The following TMEM243 variants were observed in gnomAD, a reference collection of about 807,000 sequenced individuals.
TMEM243 encodes transmembrane protein 243, also known as MDR1 and mitochondrial taxol resistance associated.
Under a neutral mutation model 15.0 loss-of-function variants are expected in TMEM243, and 20 were observed. The ratio of observed to expected loss-of-function variants is 1.33; its 90% CI spans 0.94 to 1.93. The LOEUF (loss-of-function observed/expected upper bound fraction) is 1.93, where lower values mean the gene tolerates loss of function less well. Among genes scored for constraint, TMEM243 ranks in the 30% most tolerant of loss-of-function variants. TMEM243 has a pLI of 0.00. For synonymous variants in TMEM243, 72 were observed against 52.7 expected (o/e 1.37, Z -1.59); for missense variants, 156 against 142.1 (o/e 1.10, Z -0.50).
intron 1 of TMEM243, among the ~76,000 whole-genome samples, chr7:87,206,147 T>A (rs948224894): frequency 6.6e-6 from 1 of 152,170 alleles, no homozygotes; most frequent in African/African-American, 2.4e-5. Context: ...AAGAACAGTA[T>A]GGGGGAAACT....
At chr7:87,209,538 A>AAG (rs148919580) in intron 1 of TMEM243, among the ~76,000 whole-genome samples, 1 of 145,060 alleles carries the variant, frequency 6.9e-6, no homozygotes, top group Non-Finnish European at 1.5e-5. Context: ...GTGAGAGAGA[A>AAG]AGTGAGAGAC....
chr7:87,208,301 T>C (rs955708650), intron 1 of TMEM243, among the ~76,000 whole-genome samples: 4 of 152,190 alleles, frequency 2.6e-5, no homozygotes, highest in South Asian at 2.1e-4. Context: ...AGTATAGGCA[T>C]TGGGTAAATA....
At chr7:87,210,172 G>A (rs1405414468) in intron 1 of TMEM243, among the ~76,000 whole-genome samples, 1 of 152,212 alleles carries the variant, frequency 6.6e-6, no homozygotes, top group South Asian at 2.1e-4. Flanking sequence ...CTGGGGGATG[G>A]TGCTAAACCA....
chr7:87,219,439 T>C lies in TMEM243; in HGVS notation c.65A>G (p.Glu22Gly). Residue 22 changes from glutamate (E) to glycine (G), a missense_variant, in exon 1 of 4, where the codon GAG (glutamate) becomes GGG (glycine). By Grantham distance (98) the Glu-to-Gly change is moderately conservative. Transcript: ENST00000257637. ...ATCCGCACTCACCTTGGCGGACGTC[T>C]CCCCAAACAGAGGTCTGTTGTCCAG... ...SGLDNRPLFG[E>G]TSAKDRIINL... 1 of 1,614,190 alleles carries C rather than the reference T, an allele frequency of 6.2e-7. No individual in the cohort carries two copies. Among genetic ancestry groups the C allele is most frequent in the South Asian group, 1.1e-5 (1 of 91,088 alleles).
chr7:87,209,010 C>T lies in TMEM243; in HGVS notation c.79-9953G>A, dbSNP rs550888977. Among the ~76,000 whole-genome samples, 6 of 152,342 alleles carry T rather than the reference C, an allele frequency of 3.9e-5. No homozygotes were observed. In the East Asian group the frequency reaches 1.2e-3, roughly 29 times the overall value. On this transcript the variant is annotated intron_variant, in intron 1 of 3. Transcript: ENST00000257637. ...CTTACTACAAACTCATGTTTTCTATCCTCACCTGGGCCTTCACTGTATTTC... is the reference window on the plus strand; with the variant it reads ...CTTACTACAAACTCATGTTTTCTATTCTCACCTGGGCCTTCACTGTATTTC...
chr7:87,203,994 T>C (rs1486787047), intron 1 of TMEM243, among the ~76,000 whole-genome samples: 1 of 152,040 alleles, frequency 6.6e-6, no homozygotes, highest in Non-Finnish European at 1.5e-5. Context: ...CAAAACCAGG[T>C]AGTTTGTAAA....
At chr7:87,202,873 A>G (rs1206666987) in intron 1 of TMEM243, 1 of 152,186 alleles carries the variant, frequency 6.6e-6, no homozygotes, top group Non-Finnish European at 1.5e-5. Flanking sequence ...TTCAGTTCTT[A>G]CACTTTATGG....
intron 1 of TMEM243, among the ~76,000 whole-genome samples, chr7:87,216,186 A>G (rs1275700857): frequency 1.3e-5 from 2 of 151,450 alleles, no homozygotes; most frequent in Non-Finnish European, 2.9e-5. Context: ...AGGCAGGAGA[A>G]TGGCATGAAC....
At chr7:87,209,675 AGC>A (rs1802528928) in intron 1 of TMEM243, among the ~76,000 whole-genome samples, 3 of 119,848 alleles carry the variant, frequency 2.5e-5, no homozygotes, top group Middle Eastern at 4.8e-3. Flanking sequence ...AGAGAGCGAG[AGC>A]GAGACACAGC....
chr7:87,209,485 TGAGA>T (rs140490349), intron 1 of TMEM243, among the ~76,000 whole-genome samples: 1,222 of 120,164 alleles, frequency 0.01, 9 homozygotes, highest in African/African-American at 0.027. Flanking sequence ...AGTGAGATAG[TGAGA>T]GAGAGAGAGA....
chr7:87,196,720 AAATTTCGGTTC>A lies in TMEM243; in HGVS notation c.262_272del (p.Glu88Ter). On this transcript the variant is annotated frameshift_variant, in exon 4 of 4. Coordinates refer to ENST00000257637, the MANE Select transcript of TMEM243 (RefSeq NM_024315.4). LOFTEE classifies it high-confidence loss of function. ...ATATGATATAGTAAATTAGCTTTCT[AAATTTCGGTTC>A]TAAGTCTCCTTGTCGATACCAGTAG... The A allele has an allele frequency of 6.2e-7, 1 of 1,606,822 alleles. No homozygotes were observed. The highest frequency in any genetic ancestry group is 8.5e-7 in the Non-Finnish European group (1 of 1,175,328).
intron 1 of TMEM243, among the ~76,000 whole-genome samples, chr7:87,201,520 G>C (rs1457901939): frequency 1.3e-5 from 2 of 152,176 alleles, no homozygotes; most frequent in Non-Finnish European, 2.9e-5. Flanking sequence ...CCTGGGCCTA[G>C]AGATTATTTT....
In TMEM243 at chr7:87,209,700, C is replaced by CACAGTGAGAGCGAG. The variant is rs1562885147; in HGVS notation, c.78+9712_78+9725dup. Among the ~76,000 whole-genome samples, 35 of 123,892 alleles carry CACAGTGAGAGCGAG rather than the reference C, an allele frequency of 2.8e-4. 1 individual carries two copies. The highest frequency in any genetic ancestry group is 1.3e-4 in the Non-Finnish European group (8 of 59,512). 81.3% of individuals were successfully genotyped at this position (123,892 alleles called of 152,430 possible). A position where few individuals can be genotyped will look rare whatever the true frequency, so the allele number is the denominator to read the frequency against. ...AGCGAGACACAGCGAGAGAGCGAGA[C>CACAGTGAGAGCGAG]ACAGTGAGAGCGAGACACAGTGAGA... On this transcript the variant is annotated intron_variant, in intron 1 of 3. Coordinates refer to ENST00000257637, the MANE Select transcript of TMEM243 (RefSeq NM_024315.4).
At chr7:87,206,461 G>A (rs1802226933) in intron 1 of TMEM243, among the ~76,000 whole-genome samples, 1 of 152,164 alleles carries the variant, frequency 6.6e-6, no homozygotes, top group African/African-American at 2.4e-5. Flanking sequence ...CTTACCGGCA[G>A]GGGATACACT....
At chr7:87,205,434 A>C (rs184743243) in intron 1 of TMEM243, among the ~76,000 whole-genome samples, 1 of 151,882 alleles carries the variant, frequency 6.6e-6, no homozygotes, top group Non-Finnish European at 1.5e-5. Flanking sequence ...CAAATTTTCC[A>C]AACTTTTATG....
At chr7:87,216,857 A>C (rs1803155594) in intron 1 of TMEM243, 1 of 152,164 alleles carries the variant, frequency 6.6e-6, no homozygotes, top group Admixed American at 6.5e-5. Context: ...TCACTATTCA[A>C]CTCATGAAAG....
rs2129216018 is a variant in TMEM243 at position 87,196,702 on chromosome 7, A to G, written c.291T>C (p.Tyr97=). The change falls in exon 4 of 4, where the codon TAT becomes TAC. Residue 97 remains tyrosine (Y), a synonymous_variant. Transcript: ENST00000257637. ...LEPKFRKLIY[Y]IIFSIIMLCI... is the part of the protein sequence containing the mutation. ...ACAACATGATGATAGAAAATATGATATAGTAAATTAGCTTTCTAAATTTCG... is the reference window on the plus strand; with the variant it reads ...ACAACATGATGATAGAAAATATGATGTAGTAAATTAGCTTTCTAAATTTCG... 3.7e-6 allele frequency: 6 copies of G among 1,608,928 alleles called. No homozygotes were observed. The South Asian group carries it at 5.5e-5, about 15-fold the overall frequency.
At chr7:87,207,818 G>A (rs1314989436) in intron 1 of TMEM243, among the ~76,000 whole-genome samples, 6 of 152,132 alleles carry the variant, frequency 3.9e-5, no homozygotes, top group African/African-American at 2.4e-5. Context: ...TGCTCAATCC[G>A]ATTTCCAGGT....
intron 1 of TMEM243, among the ~76,000 whole-genome samples, chr7:87,210,821 T>C (rs1013844616): frequency 1.3e-5 from 2 of 152,240 alleles, no homozygotes; most frequent in African/African-American, 4.8e-5. Flanking sequence ...AGCAGACTTC[T>C]GGACATCCAA....
Sources: gnomAD v4.1 joint callset for allele counts (sites outside exome capture counted in the v4.1 genomes callset) on GRCh38, gnomAD v4.1.1 for gene constraint, MANE v1.5 for transcripts, NCBI Gene and HGNC (gene_info 2026-07-23, HGNC 2026-07-21) for gene names.